Variants in RMDN2 observed in about 807,000 individuals in gnomAD.
RMDN2 encodes regulator of microtubule dynamics 2.
A neutral mutation model predicts 52.8 loss-of-function variants in RMDN2; 61 were observed. That is an observed-to-expected ratio of 1.16 (90% CI 0.94 to 1.43). The LOEUF is 1.43. Ranked by LOEUF, RMDN2 falls within the 40% of genes most tolerant of loss-of-function variation. The pLI is 0.00. For missense variants in RMDN2, 592 were observed against 475.3 expected, an observed-to-expected ratio of 1.25 and a Z score of -2.28; for synonymous variants, 180 against 153.1, an observed-to-expected ratio of 1.18 and a Z score of -1.30.
At chr2:38,016,124 A>T (rs554464655) in intron 10 of RMDN2, among the ~76,000 whole-genome samples, 75 of 152,380 alleles carry the variant, frequency 4.9e-4, no homozygotes, top group African/African-American at 1.8e-3. Flanking sequence ...AGAGTAACAC[A>T]CTGTATCAGT....
intron 10 of RMDN2, chr2:38,029,902 G>T (rs186042340): frequency 1.3e-5 from 2 of 152,288 alleles, no homozygotes; most frequent in Non-Finnish European, 2.9e-5. Flanking sequence ...GAAGGTGGAA[G>T]GCAAAAGGCA....
intron 2 of RMDN2, among the ~76,000 whole-genome samples, chr2:37,959,457 T>C (rs950689101): frequency 6.0e-5 from 9 of 151,130 alleles, no homozygotes; most frequent in Non-Finnish European, 1.2e-4. Context: ...TTTATAGTAC[T>C]CTCTGATGGT....
chr2:38,060,741 G>C (rs1466006838), intron 10 of RMDN2, among the ~76,000 whole-genome samples: 1 of 152,092 alleles, frequency 6.6e-6, no homozygotes, highest in Non-Finnish European at 1.5e-5. Context: ...CCTGACTTGT[G>C]GGGTCCAATG....
chr2:37,954,971 A>C lies in RMDN2; in HGVS notation c.453-19069A>C, dbSNP rs536208173. Among the ~76,000 whole-genome samples, 3 of 152,162 alleles carry C rather than the reference A, an allele frequency of 2.0e-5. No homozygotes were observed. The East Asian group carries it at 5.8e-4, about 29-fold the overall frequency. On this transcript the variant is annotated intron_variant, in intron 2 of 10. Coordinates refer to ENST00000354545, the MANE Select transcript of RMDN2 (RefSeq NM_001170791.3). ...TTTTGATGCAATTATAAGTGAAATT[A>C]TTTTTTTATAATTCTTTCCAGATAG... is the stretch of plus-strand genomic sequence containing the variant.
chr2:37,951,216 C>A (rs754382991), intron 2 of RMDN2: 3 of 1,535,036 alleles, frequency 2.0e-6, no homozygotes, highest in Non-Finnish European at 2.6e-6. Context: ...CTCATTTGAC[C>A]CTTTTCTCAC....
intron 10 of RMDN2, chr2:38,030,674 C>G (rs1015108131): frequency 1.3e-5 from 2 of 152,072 alleles, no homozygotes; most frequent in African/African-American, 4.8e-5. Context: ...TTCAGTGAAA[C>G]CTTTTTACTC....
At chr2:38,019,878 T>C (rs910250184), downstream of RMDN2, among the ~76,000 whole-genome samples, 4 of 152,070 alleles carry the variant, frequency 2.6e-5, no homozygotes, top group African/African-American at 9.7e-5. Context: ...TGAGCTGTAA[T>C]TGCGCCACTA....
intron 10 of RMDN2, among the ~76,000 whole-genome samples, chr2:38,027,846 C>G (rs1341689071): frequency 6.6e-6 from 1 of 152,184 alleles, no homozygotes; most frequent in Non-Finnish European, 1.5e-5. Flanking sequence ...TGCCACAAAA[C>G]TGTGGCATTA....
intron 2 of RMDN2, chr2:37,950,227 G>A: frequency 2.5e-6 from 1 of 392,212 alleles, no homozygotes; most frequent in Non-Finnish European, 4.8e-6. Flanking sequence ...GAGAGAGATG[G>A]TCCAAGGTAA....
chr2:37,987,544 G>C (rs1368529482), intron 5 of RMDN2, among the ~76,000 whole-genome samples: 2 of 152,010 alleles, frequency 1.3e-5, no homozygotes, highest in Non-Finnish European at 2.9e-5. Context: ...GGGGAGGGAG[G>C]GATGAATAAG....
chr2:38,021,321 G>A (rs1315864360), downstream of RMDN2, among the ~76,000 whole-genome samples: 1 of 152,220 alleles, frequency 6.6e-6, no homozygotes, highest in Non-Finnish European at 1.5e-5. Context: ...TCAGCAGGAT[G>A]TGGGTGGGGC....
intron 10 of RMDN2, among the ~76,000 whole-genome samples, chr2:38,041,960 G>A (rs896041879): frequency 1.4e-4 from 21 of 151,984 alleles, no homozygotes; most frequent in Admixed American, 9.8e-4. Flanking sequence ...GAAAATGCTG[G>A]CCTCACAGAA....
At chr2:38,039,634 G>A (rs1680829031) in intron 10 of RMDN2, among the ~76,000 whole-genome samples, 1 of 152,344 alleles carries the variant, frequency 6.6e-6, no homozygotes, top group South Asian at 2.1e-4. Context: ...AACAGAAGAA[G>A]GAAGTTGTCT....
chr2:37,932,268 A>G (rs1442795826), intron 2 of RMDN2, among the ~76,000 whole-genome samples: 1 of 150,744 alleles, frequency 6.6e-6, no homozygotes, highest in Non-Finnish European at 1.5e-5. Flanking sequence ...ATGACTCTTA[A>G]GGAGCATGCT....
chr2:37,986,728 C>T (rs982876126), intron 5 of RMDN2, among the ~76,000 whole-genome samples: 22 of 152,096 alleles, frequency 1.4e-4, no homozygotes, highest in African/African-American at 5.3e-4. Context: ...CAAAATCTAA[C>T]ACTCATTGAT....
rs140036263 is a variant in RMDN2 at position 38,042,403 on chromosome 2, C to CCACACACA, written c.1714-24565_1714-24558dup. 7.3e-4 allele frequency among the ~76,000 whole-genome samples: 69 copies of CCACACACA among 94,230 alleles called. 1 individual carries two copies. The highest frequency in any genetic ancestry group is 3.1e-3 in the African/African-American group (49 of 15,778). 61.8% of individuals were successfully genotyped at this position (94,230 alleles called of 152,430 possible). ...TGATCTTTTCCAAAACCTCCCCCCGCCACACACACACACACACACACCACA... is the reference window on the plus strand; with the variant it reads ...TGATCTTTTCCAAAACCTCCCCCCGCCACACACACACACACACACACACACACACCACA... On this transcript the variant is annotated intron_variant, in intron 10 of 10. Coordinates refer to the RMDN2 transcript ENST00000234195.
At chr2:38,007,368 T>A (rs138946241) in intron 10 of RMDN2, among the ~76,000 whole-genome samples, 19,755 of 152,218 alleles carry the variant, frequency 0.13, 1,502 homozygotes, top group Non-Finnish European at 0.17. Flanking sequence ...TATTAATTAT[T>A]GCCTCGATTT....
At chr2:38,046,944 C>G (rs1681310862) in intron 10 of RMDN2, among the ~76,000 whole-genome samples, 1 of 151,880 alleles carries the variant, frequency 6.6e-6, no homozygotes. Flanking sequence ...GATTGCGCCA[C>G]TGCACTCCAG....
chr2:38,010,010 A>C (rs374555884), intron 10 of RMDN2, among the ~76,000 whole-genome samples: 1 of 152,168 alleles, frequency 6.6e-6, no homozygotes, highest in Non-Finnish European at 1.5e-5. Flanking sequence ...TCAGCAGCAG[A>C]GGCTGCAGAA....
Sources: gnomAD v4.1 joint callset for allele counts (sites outside exome capture counted in the v4.1 genomes callset) on GRCh38, gnomAD v4.1.1 for gene constraint, MANE v1.5 for transcripts, NCBI Gene and HGNC (gene_info 2026-07-23, HGNC 2026-07-21) for gene names.